DAB1: variants seen among roughly 807,000 people sequenced by gnomAD.
The protein encoded by DAB1 is DAB adaptor protein 1, also known as disabled homolog 1.
Under a neutral mutation model 64.6 loss-of-function variants are expected in DAB1, and 15 were observed. That is an observed-to-expected ratio of 0.23 (90% CI 0.16 to 0.36). The LOEUF is 0.36. Ranked by LOEUF, DAB1 falls within the 10% of genes least tolerant of loss-of-function variation. The pLI, the probability that DAB1 is intolerant of heterozygous loss-of-function variation, is 1.00. For synonymous variants in DAB1, 235 were observed against 251.9 expected, an observed-to-expected ratio of 0.93 and a Z score of 0.64; for missense variants, 596 against 706.7, an observed-to-expected ratio of 0.84 and a Z score of 1.78.
intron 7 of DAB1, among the ~76,000 whole-genome samples, chr1:57,467,438 T>C (rs976389637): frequency 1.3e-5 from 2 of 152,190 alleles, no homozygotes; most frequent in African/African-American, 2.4e-5. Flanking sequence ...GAATAGGAAA[T>C]CTCAACTACT....
At chr1:58,060,432 T>G (rs1252476969) in intron 5 of DAB1, 1 of 152,268 alleles carries the variant, frequency 6.6e-6, no homozygotes, top group African/African-American at 2.4e-5. Context: ...CTAGATTTCC[T>G]TCTTCTTACT....
chr1:57,387,258 C>G (rs1320755684), intron 1 of DAB1: 1 of 152,088 alleles, frequency 6.6e-6, no homozygotes, highest in African/African-American at 2.4e-5. Flanking sequence ...ACAGAGCCAG[C>G]ACAGGGCTGG....
intron 5 of DAB1, among the ~76,000 whole-genome samples, chr1:57,975,528 T>C (rs1003435571): frequency 3.9e-5 from 6 of 152,212 alleles, no homozygotes; most frequent in African/African-American, 1.4e-4. Flanking sequence ...TGGTACTTGA[T>C]GCAAGGGAAA....
chr1:57,706,492 AT>A (rs1258311660), intron 6 of DAB1, among the ~76,000 whole-genome samples: 1 of 151,710 alleles, frequency 6.6e-6, no homozygotes, highest in African/African-American at 2.4e-5. Flanking sequence ...TAATTTTTGT[AT>A]TTTTTTGTAG....
At chr1:58,033,172 G>C (rs143427316) in intron 5 of DAB1, among the ~76,000 whole-genome samples, 2 of 152,222 alleles carry the variant, frequency 1.3e-5, no homozygotes, top group Non-Finnish European at 2.9e-5. Context: ...GATTTGTCAG[G>C]GGATTAAAGA....
At chr1:58,171,808 A>G (rs1348397383) in intron 4 of DAB1, among the ~76,000 whole-genome samples, 4 of 152,240 alleles carry the variant, frequency 2.6e-5, no homozygotes, top group African/African-American at 9.6e-5. Flanking sequence ...TGGAAGCCTC[A>G]TGCCAGCATG....
At chr1:57,072,962 G>A (rs928639118) in intron 4 of DAB1, among the ~76,000 whole-genome samples, 10 of 152,162 alleles carry the variant, frequency 6.6e-5, no homozygotes, top group African/African-American at 9.7e-5. Flanking sequence ...GGGTAGAGGC[G>A]GGGCTATGCA....
chr1:57,639,960 T>C (rs1209670281), intron 7 of DAB1, among the ~76,000 whole-genome samples: 1 of 152,178 alleles, frequency 6.6e-6, no homozygotes, highest in Non-Finnish European at 1.5e-5. Flanking sequence ...CTTGGAATAG[T>C]CAGGCTTTAG....
chr1:57,740,633 C>T (rs1271293570), intron 6 of DAB1, among the ~76,000 whole-genome samples: 1 of 152,124 alleles, frequency 6.6e-6, no homozygotes, highest in African/African-American at 2.4e-5. Flanking sequence ...TAAACTGCTT[C>T]GTGTTTCAGC....
intron 4 of DAB1, among the ~76,000 whole-genome samples, chr1:58,284,776 G>T (rs771291320): frequency 1.3e-5 from 2 of 152,160 alleles, no homozygotes; most frequent in African/African-American, 2.4e-5. Flanking sequence ...TAATCATGAA[G>T]TCTCATCACT....
At chr1:57,770,088 T>C (rs1231073431) in intron 6 of DAB1, among the ~76,000 whole-genome samples, 14 of 152,122 alleles carry the variant, frequency 9.2e-5, no homozygotes, top group Admixed American at 9.2e-4. Context: ...CATAAACAAA[T>C]GAAAAGTATA....
At chr1:58,409,801 G>A (rs1644649700) in intron 3 of DAB1, among the ~76,000 whole-genome samples, 1 of 152,164 alleles carries the variant, frequency 6.6e-6, no homozygotes, top group Non-Finnish European at 1.5e-5. Flanking sequence ...GCACTGGCTA[G>A]GATTTCTCTC....
chr1:57,037,554 C>T (rs1222333822), intron 9 of DAB1, among the ~76,000 whole-genome samples: 8 of 152,360 alleles, frequency 5.3e-5, no homozygotes, highest in Non-Finnish European at 8.8e-5. Context: ...AATGGATTAA[C>T]TTAAGTGATT....
At position 57,677,331 on chromosome 1, in the gene DAB1, C is replaced by T. The variant is rs117235978; in HGVS notation, n.552-27666G>A. Among the ~76,000 whole-genome samples the T allele has an allele frequency of 3.6e-3, 550 of 152,336 alleles. 13 individuals carry two copies. The highest frequency in any genetic ancestry group is 8.1e-3 in the East Asian group (42 of 5,176). ...TACAGTCACTGTCTCTCTTTCTTTA[C>T]ATTAAGTCCTTCAGTGACCCTAACA... On this transcript the variant is annotated intron_variant and non_coding_transcript_variant, in intron 6 of 20. Coordinates refer to the DAB1 transcript ENST00000485760.
chr1:58,199,000 G>A (rs2100257281), intron 4 of DAB1, among the ~76,000 whole-genome samples: 1 of 152,280 alleles, frequency 6.6e-6, no homozygotes, highest in South Asian at 2.1e-4. Flanking sequence ...ACAGCTACTG[G>A]GGAGGCTGAC....
At chr1:57,051,649 G>A (rs116770772) in intron 9 of DAB1, among the ~76,000 whole-genome samples, 1,740 of 152,264 alleles carry the variant, frequency 0.011, 33 homozygotes, top group African/African-American at 0.04. Context: ...AAGCTTGAGA[G>A]GTGAGTGGCT....
chr1:58,298,100 A>G (rs1349695745), intron 4 of DAB1, among the ~76,000 whole-genome samples: 1 of 152,226 alleles, frequency 6.6e-6, no homozygotes, highest in Non-Finnish European at 1.5e-5. Flanking sequence ...TATCATTCAC[A>G]TCAGCATTCA....
intron 5 of DAB1, among the ~76,000 whole-genome samples, chr1:58,020,117 G>T (rs936167605): frequency 6.6e-6 from 1 of 152,104 alleles, no homozygotes; most frequent in Non-Finnish European, 1.5e-5. Flanking sequence ...TTATTATTCT[G>T]CATTAAGACT....
chr1:57,192,440 A>G (rs1664226716), intron 2 of DAB1, among the ~76,000 whole-genome samples: 2 of 152,144 alleles, frequency 1.3e-5, no homozygotes, highest in South Asian at 2.1e-4. Context: ...CAACCTTCCT[A>G]GGCCTCAGGT....
Sources: gnomAD v4.1 joint callset for allele counts (sites outside exome capture counted in the v4.1 genomes callset) on GRCh38, gnomAD v4.1.1 for gene constraint, MANE v1.5 for transcripts, NCBI Gene and HGNC (gene_info 2026-07-23, HGNC 2026-07-21) for gene names.